NKAIN3: variants seen among roughly 807,000 people sequenced by gnomAD.
NKAIN3 encodes sodium/potassium transporting ATPase interacting 3.
NKAIN3 carries 25 observed loss-of-function variants against 30.2 expected under a neutral mutation model. That is an observed-to-expected ratio of 0.83 (90% CI 0.60 to 1.16). NKAIN3 has a LOEUF of 1.16. NKAIN3 is among the 50% of genes most tolerant of loss of function. NKAIN3 has a pLI of 0.00. For missense variants in NKAIN3, 225 were observed against 254.1 expected (o/e 0.89, Z 0.78); for synonymous variants, 91 against 89.6 (o/e 1.02, Z -0.09).
At chr8:62,568,326 G>A (rs1370883248) in intron 1 of NKAIN3, among the ~76,000 whole-genome samples, 3 of 152,154 alleles carry the variant, frequency 2.0e-5, no homozygotes, top group Non-Finnish European at 2.9e-5. Flanking sequence ...ATATCTAATA[G>A]GGATAGCATC....
At chr8:62,671,069 G>A (rs892532546) in intron 3 of NKAIN3, among the ~76,000 whole-genome samples, 4 of 152,044 alleles carry the variant, frequency 2.6e-5, no homozygotes, top group African/African-American at 7.2e-5. Flanking sequence ...AATTCCTATT[G>A]TTTTATTTAA....
At chr8:62,851,753 T>C (rs949392942) in intron 4 of NKAIN3, among the ~76,000 whole-genome samples, 1 of 152,220 alleles carries the variant, frequency 6.6e-6, no homozygotes, top group Non-Finnish European at 1.5e-5. Flanking sequence ...TATGCTGGAT[T>C]ACATTTATTG....
At chr8:62,795,126 G>A (rs762254843) in intron 4 of NKAIN3, among the ~76,000 whole-genome samples, 5 of 152,074 alleles carry the variant, frequency 3.3e-5, no homozygotes, top group African/African-American at 7.2e-5. Flanking sequence ...TCTGAGTACC[G>A]CTTATTTAGC....
intron 1 of NKAIN3, among the ~76,000 whole-genome samples, chr8:62,498,724 T>G (rs71521939): frequency 6.7e-6 from 1 of 148,408 alleles, no homozygotes; most frequent in Non-Finnish European, 1.5e-5. Flanking sequence ...CTTTTTTTTT[T>G]TTTCCATTCA....
At chr8:62,677,409 T>C (rs1414098105) in intron 3 of NKAIN3, among the ~76,000 whole-genome samples, 1 of 152,182 alleles carries the variant, frequency 6.6e-6, no homozygotes, top group African/African-American at 2.4e-5. Context: ...GAAGGGGGCA[T>C]AACTCAGGGA....
chr8:62,852,258 ATC>A, intron 4 of NKAIN3, among the ~76,000 whole-genome samples: 1 of 152,106 alleles, frequency 6.6e-6, no homozygotes, highest in East Asian at 1.9e-4. Context: ...TGTTTATAGT[ATC>A]TCTGATGGTA....
At chr8:62,491,727 C>T (rs563202746) in intron 1 of NKAIN3, among the ~76,000 whole-genome samples, 24 of 152,148 alleles carry the variant, frequency 1.6e-4, no homozygotes, top group Non-Finnish European at 2.6e-4. Flanking sequence ...AATTAAGTAG[C>T]TGTAGGAAAT....
intron 6 of NKAIN3, among the ~76,000 whole-genome samples, chr8:62,957,971 A>G (rs1176468267): frequency 6.6e-6 from 1 of 152,178 alleles, no homozygotes; most frequent in Non-Finnish European, 1.5e-5. Flanking sequence ...GGCAGGGAGC[A>G]TTTGGGAAAT....
chr8:62,471,258 A>G (rs1806331678), intron 1 of NKAIN3, among the ~76,000 whole-genome samples: 1 of 152,166 alleles, frequency 6.6e-6, no homozygotes, highest in Non-Finnish European at 1.5e-5. Context: ...GGCGGGTTAA[A>G]GGATGAGAGT....
intron 4 of NKAIN3, among the ~76,000 whole-genome samples, chr8:62,871,471 G>A (rs1820643883): frequency 6.6e-6 from 1 of 150,762 alleles, no homozygotes; most frequent in Non-Finnish European, 1.5e-5. Context: ...GTTACCATTA[G>A]TGTGTGTGTG....
At chr8:62,542,087 T>G (rs1465538862) in intron 1 of NKAIN3, among the ~76,000 whole-genome samples, 6 of 152,146 alleles carry the variant, frequency 3.9e-5, no homozygotes, top group African/African-American at 1.4e-4. Flanking sequence ...GTCAAATCCC[T>G]CAGAGAGGCT....
At chr8:62,756,737 A>C (rs1816463435) in intron 4 of NKAIN3, among the ~76,000 whole-genome samples, 3 of 152,180 alleles carry the variant, frequency 2.0e-5, no homozygotes, top group Admixed American at 2.0e-4. Flanking sequence ...AAAGCATGTG[A>C]ACATTTAAAG....
chr8:62,891,444 G>T (rs549978888), intron 4 of NKAIN3, among the ~76,000 whole-genome samples: 2 of 152,166 alleles, frequency 1.3e-5, no homozygotes, highest in Non-Finnish European at 2.9e-5. Context: ...ACTCAGACTG[G>T]CTTCCTTGCT....
At chr8:62,711,923 C>T (rs1022638763) in intron 3 of NKAIN3, among the ~76,000 whole-genome samples, 1 of 152,192 alleles carries the variant, frequency 6.6e-6, no homozygotes, top group Non-Finnish European at 1.5e-5. Flanking sequence ...TTTTGTCCCA[C>T]GGGGTGTTCC....
intron 3 of NKAIN3, among the ~76,000 whole-genome samples, chr8:62,724,127 T>C (rs1182220749): frequency 6.6e-6 from 1 of 152,158 alleles, no homozygotes; most frequent in East Asian, 1.9e-4. Context: ...AATTAGGTTG[T>C]TTTTAAGCAC....
At chr8:62,475,001 C>T (rs1027521934) in intron 1 of NKAIN3, among the ~76,000 whole-genome samples, 3 of 152,068 alleles carry the variant, frequency 2.0e-5, no homozygotes, top group African/African-American at 7.2e-5. Flanking sequence ...AGAGCAATGA[C>T]TATAAAATAA....
chr8:62,317,493 T>A (rs1005592131), intron 1 of NKAIN3, among the ~76,000 whole-genome samples: 1 of 152,222 alleles, frequency 6.6e-6, no homozygotes, highest in African/African-American at 2.4e-5. Context: ...TTTCTACATA[T>A]GGCTAGCCAG....
chr8:62,249,659 G>A (rs1390486216), intron 1 of NKAIN3, among the ~76,000 whole-genome samples: 1 of 152,198 alleles, frequency 6.6e-6, no homozygotes, highest in Non-Finnish European at 1.5e-5. Flanking sequence ...TGGTTAAGGA[G>A]TCTGGGACCT....
intron 1 of NKAIN3, among the ~76,000 whole-genome samples, chr8:62,309,704 A>G (rs1333600689): frequency 1.3e-5 from 2 of 150,386 alleles, no homozygotes; most frequent in Non-Finnish European, 2.9e-5. Context: ...AAGTATGATT[A>G]TTCAGATTTT....
Sources: allele counts gnomAD v4.1 joint callset (sites outside exome capture counted in the v4.1 genomes callset), GRCh38; gene constraint gnomAD v4.1.1; transcripts MANE v1.5; gene names NCBI Gene and HGNC (gene_info 2026-07-23, HGNC 2026-07-21).